The following TMCO6 variants were observed in gnomAD, a reference collection of about 807,000 sequenced individuals.
The protein encoded by TMCO6 is transmembrane and coiled-coil domain-containing protein 6.
Under a neutral mutation model 61.8 loss-of-function variants are expected in TMCO6, and 47 were observed. That is an observed-to-expected ratio of 0.76 (90% CI 0.60 to 0.97). TMCO6 has a LOEUF of 0.97. Ranked by LOEUF, TMCO6 falls within the 50% of genes least tolerant of loss-of-function variation. The pLI is 0.00. For synonymous variants in TMCO6, 261 were observed against 254.2 expected (o/e 1.03, Z -0.25); for missense variants, 557 against 601.6 (o/e 0.93, Z 0.78).
chr5:140,646,594 A>G (rs1292640418), downstream of TMCO6, among the ~76,000 whole-genome samples: 3 of 152,172 alleles, frequency 2.0e-5, no homozygotes, highest in African/African-American at 7.2e-5. Context: ...TTCAGTATGT[A>G]TAAACATTTA....
chr5:140,609,304 C>A, the TMCO6 span: 1 of 195,334 alleles, frequency 5.1e-6, no homozygotes, highest in South Asian at 8.8e-5. Flanking sequence ...TCAAGTTCAT[C>A]AAGAAAAGGG....
the TMCO6 span, chr5:140,631,870 G>C: frequency 1.3e-6 from 2 of 1,563,202 alleles, no homozygotes; most frequent in East Asian, 4.5e-5. Context: ...GCAAAGCCCC[G>C]GGCCCCTTGG....
chr5:140,619,096 T>C, the TMCO6 span, among the ~76,000 whole-genome samples: 1 of 152,126 alleles, frequency 6.6e-6, no homozygotes, highest in Non-Finnish European at 1.5e-5. Flanking sequence ...ATGTGCAAAA[T>C]ATACAAAGAA....
At chr5:140,647,212 T>C, downstream of TMCO6, 1 of 1,518,358 alleles carries the variant, frequency 6.6e-7, no homozygotes, top group Non-Finnish European at 8.8e-7. Flanking sequence ...CTCAAACCCT[T>C]GTTCCCCTAC....
intron 1 of TMCO6, 39 bp downstream of exon 1, chr5:140,639,651 C>A: frequency 6.5e-7 from 1 of 1,539,240 alleles, no homozygotes; most frequent in Non-Finnish European, 8.8e-7. Flanking sequence ...ATATGGCGGT[C>A]GGGGATAAGT....
Position 140,641,694 on chromosome 5 carries a change from G to C in TMCO6, c.228G>C (p.Arg76=). Residue 76 remains arginine (R), a synonymous_variant, in exon 3 of 12, where the codon CGG becomes CGC. Coordinates refer to ENST00000394671, the MANE Select transcript of TMCO6 (RefSeq NM_018502.5). ...AGCAGTTCCTGCGGCAAGCCCAGCGGGGGACAGAGGAAAAGGAGAGAGAGG... is the reference window on the plus strand; with the variant it reads ...AGCAGTTCCTGCGGCAAGCCCAGCGCGGGACAGAGGAAAAGGAGAGAGAGG... The part of the protein sequence containing the change: ...EVQQFLRQAQ[R]GTEEKEREGA... 6.2e-7 allele frequency: 1 copy of C among 1,614,124 alleles called. No homozygotes were observed. Among genetic ancestry groups the C allele is most frequent in the Non-Finnish European group, 8.5e-7 (1 of 1,180,030 alleles).
chr5:140,647,088 A>C (rs765416062), downstream of TMCO6: 2 of 778,276 alleles, frequency 2.6e-6, no homozygotes, highest in East Asian at 5.5e-5. Context: ...ACAACGCATC[A>C]TATAACCCTG....
At chr5:140,623,777 C>T in the TMCO6 span, among the ~76,000 whole-genome samples, 1 of 152,084 alleles carries the variant, frequency 6.6e-6, no homozygotes, top group East Asian at 1.9e-4. Flanking sequence ...TGGAGGGTCT[C>T]AGTATGTTGC....
At chr5:140,647,224 G>A, downstream of TMCO6, 4 of 1,521,598 alleles carry the variant, frequency 2.6e-6, no homozygotes, top group Non-Finnish European at 3.5e-6. Context: ...TTCCCCTACC[G>A]GAGCCCCAGA....
At chr5:140,612,362 C>T in the TMCO6 span, among the ~76,000 whole-genome samples, 2 of 110,150 alleles carry the variant, frequency 1.8e-5, no homozygotes, top group African/African-American at 3.9e-5. Context: ...TTTTTTGAGA[C>T]GGAGTCTCGC....
At chr5:140,627,317 GC>G in the TMCO6 span, among the ~76,000 whole-genome samples, 1 of 152,042 alleles carries the variant, frequency 6.6e-6, no homozygotes, top group South Asian at 2.1e-4. Flanking sequence ...TTCCAGCATA[GC>G]TAGAGGGCAT....
the TMCO6 span, among the ~76,000 whole-genome samples, chr5:140,629,287 A>G: frequency 6.6e-6 from 1 of 151,746 alleles, no homozygotes; most frequent in Admixed American, 6.6e-5. Flanking sequence ...AAACAAAACA[A>G]ACAAAACCCA....
chr5:140,611,100 A>G, the TMCO6 span, among the ~76,000 whole-genome samples: 2 of 152,238 alleles, frequency 1.3e-5, no homozygotes, highest in African/African-American at 2.4e-5. Context: ...ATTTTGGAGC[A>G]TAAACCTGAG....
the TMCO6 span, among the ~76,000 whole-genome samples, chr5:140,631,408 AGGGAGCAGCTGGCTCTT>A: frequency 2.0e-5 from 3 of 152,176 alleles, no homozygotes; most frequent in African/African-American, 4.8e-5. Flanking sequence ...TACCTTTGAA[AGGGAGCAGCTGGCTCTT>A]GGGAAGTGCA....
the TMCO6 span, among the ~76,000 whole-genome samples, chr5:140,610,303 G>A: frequency 1.3e-5 from 2 of 151,788 alleles, no homozygotes; most frequent in African/African-American, 2.4e-5. Context: ...GTTGCAGTGA[G>A]CTGAGATCAT....
At chr5:140,622,724 CAAA>C in the TMCO6 span, among the ~76,000 whole-genome samples, 806 of 105,800 alleles carry the variant, frequency 7.6e-3, 3 homozygotes, top group African/African-American at 0.017. Flanking sequence ...GCTTTAGCTA[CAAA>C]AAAAAAAAAA....
chr5:140,643,844 G>C lies in TMCO6; in HGVS notation c.983G>C (p.Gly328Ala), dbSNP rs2149796706. ...ACTGAGGCAGCAGTGGAGACTGTGG[G>C]AGGGCAAATGCAGCTCAGAGATGAG... ...LLTEAAVETV[G>A]GQMQLRDERV... The change falls in exon 9 of 12, where the codon GGA becomes GCA. Residue 328 changes from glycine to alanine, a missense_variant. By Grantham distance (60) the Gly-to-Ala change is moderately conservative. Coordinates refer to ENST00000394671, the MANE Select transcript of TMCO6 (RefSeq NM_018502.5). 6.2e-7 allele frequency: 1 copy of C among 1,614,218 alleles called. No homozygotes were observed.
At chr5:140,602,830 C>A in the TMCO6 span, among the ~76,000 whole-genome samples, 1 of 151,986 alleles carries the variant, frequency 6.6e-6, no homozygotes, top group Non-Finnish European at 1.5e-5. Flanking sequence ...AGAAAAATGG[C>A]CATGCGTGGT....
Position 140,642,546 on chromosome 5 carries a change from ACCCAGCT to A in TMCO6, c.604-39_604-33del, listed in dbSNP as rs776362647. ...GCTGAAAGTCTCTGAAGACCTGATG[ACCCAGCT>A]TCCAGTCAGATCCTTACCCTGTCTA... On this transcript the variant is annotated intron_variant, in intron 5 of 11. Transcript: ENST00000394671. 5 of 1,611,972 alleles carry A rather than the reference ACCCAGCT, an allele frequency of 3.1e-6. No individual in the cohort carries two copies. The East Asian group carries it at 1.1e-4, about 36-fold the overall frequency.
Sources: allele counts gnomAD v4.1 joint callset (sites outside exome capture counted in the v4.1 genomes callset), GRCh38; gene constraint gnomAD v4.1.1; transcripts MANE v1.5; gene names NCBI Gene and HGNC (gene_info 2026-07-23, HGNC 2026-07-21).